ST6GALNAC3: variants seen among roughly 807,000 people sequenced by gnomAD.
ST6GALNAC3 encodes ST6 N-acetylgalactosaminide alpha-2,6-sialyltransferase 3, also known as alpha-N-acetylgalactosaminide alpha-2,6-sialyltransferase 3.
ST6GALNAC3 carries 25 observed loss-of-function variants against 32.7 expected under a neutral mutation model. That is an observed-to-expected ratio of 0.76 (90% CI 0.56 to 1.07). ST6GALNAC3 has a LOEUF of 1.07. Among genes scored for constraint, ST6GALNAC3 ranks in the 50% least tolerant of loss-of-function variants. ST6GALNAC3 has a pLI of 0.00. For missense variants in ST6GALNAC3, 355 were observed against 382.4 expected (o/e 0.93, Z 0.60); for synonymous variants, 129 against 133.1 (o/e 0.97, Z 0.21).
At chr1:76,319,881 C>T (rs556152036) in intron 2 of ST6GALNAC3, among the ~76,000 whole-genome samples, 1 of 152,306 alleles carries the variant, frequency 6.6e-6, no homozygotes, top group African/African-American at 2.4e-5. Flanking sequence ...GTACCATGCT[C>T]TTACTCCCAA....
chr1:76,102,912 G>GT (rs1339739283), intron 1 of ST6GALNAC3, among the ~76,000 whole-genome samples: 2 of 151,734 alleles, frequency 1.3e-5, no homozygotes, highest in South Asian at 2.1e-4. Context: ...AAATTCTTTT[G>GT]TTTTTTGTTT....
intron 1 of ST6GALNAC3, among the ~76,000 whole-genome samples, chr1:76,171,119 G>C (rs1173013010): frequency 1.3e-5 from 2 of 150,714 alleles, no homozygotes; most frequent in African/African-American, 2.4e-5. Flanking sequence ...GTGTGTGTGT[G>C]TGCTGAAGAT....
chr1:76,115,319 C>A (rs1410443167), intron 1 of ST6GALNAC3, among the ~76,000 whole-genome samples: 1 of 151,374 alleles, frequency 6.6e-6, no homozygotes, highest in African/African-American at 2.4e-5. Flanking sequence ...AGCTCCTCCT[C>A]CCCCTCAACA....
At chr1:76,409,417 T>C (rs1468984996) in intron 2 of ST6GALNAC3, among the ~76,000 whole-genome samples, 1 of 152,138 alleles carries the variant, frequency 6.6e-6, no homozygotes, top group Non-Finnish European at 1.5e-5. Context: ...GTCTGGCACA[T>C]TTTATAGGAG....
At chr1:76,296,807 T>C (rs1259000191) in intron 1 of ST6GALNAC3, among the ~76,000 whole-genome samples, 3 of 152,054 alleles carry the variant, frequency 2.0e-5, no homozygotes, top group Non-Finnish European at 2.9e-5. Flanking sequence ...TTCTAGTTTT[T>C]CCCCTTTATA....
chr1:76,410,173 G>A (rs1330729499), intron 2 of ST6GALNAC3, among the ~76,000 whole-genome samples: 1 of 152,082 alleles, frequency 6.6e-6, no homozygotes, highest in African/African-American at 2.4e-5. Context: ...CAAACTGAAA[G>A]ACCCCAAGTG....
chr1:76,282,844 C>T (rs1025236888), intron 1 of ST6GALNAC3, among the ~76,000 whole-genome samples: 2 of 144,804 alleles, frequency 1.4e-5, no homozygotes, highest in African/African-American at 5.1e-5. Flanking sequence ...GCCTGGCCAA[C>T]ATGGTGACAT....
At chr1:76,480,031 T>C (rs1193035448) in intron 3 of ST6GALNAC3, among the ~76,000 whole-genome samples, 3 of 152,164 alleles carry the variant, frequency 2.0e-5, no homozygotes, top group African/African-American at 7.2e-5. Flanking sequence ...GGCAACAGAA[T>C]TGACAGCTCC....
intron 1 of ST6GALNAC3, among the ~76,000 whole-genome samples, chr1:76,235,365 C>T (rs1351361033): frequency 2.6e-5 from 4 of 151,888 alleles, no homozygotes; most frequent in Admixed American, 6.6e-5. Flanking sequence ...CTATTAGCCA[C>T]GCGTGGTGGT....
chr1:76,628,581 C>T, intron 4 of ST6GALNAC3, 39 bp from the exon 5 acceptor site: 2 of 1,529,380 alleles, frequency 1.3e-6, no homozygotes, highest in Non-Finnish European at 1.7e-6. Flanking sequence ...CATTCTTCAT[C>T]TCAATCTTTC....
At chr1:76,339,000 C>T (rs1647736450) in intron 2 of ST6GALNAC3, among the ~76,000 whole-genome samples, 2 of 152,202 alleles carry the variant, frequency 1.3e-5, no homozygotes, top group Admixed American at 1.3e-4. Flanking sequence ...CAATTGGTCG[C>T]CATCCTATTG....
At chr1:76,338,813 G>A (rs1221756093) in intron 2 of ST6GALNAC3, among the ~76,000 whole-genome samples, 1 of 152,016 alleles carries the variant, frequency 6.6e-6, no homozygotes, top group Non-Finnish European at 1.5e-5. Context: ...GAAATGGGGT[G>A]AAGTCCATAT....
At chr1:76,457,973 G>T (rs988443568) in intron 3 of ST6GALNAC3, among the ~76,000 whole-genome samples, 8 of 147,918 alleles carry the variant, frequency 5.4e-5, no homozygotes, top group African/African-American at 2.0e-4. Flanking sequence ...GAAAATTTTC[G>T]CAACCTACTC....
chr1:76,142,666 A>T (rs2152388), intron 1 of ST6GALNAC3, among the ~76,000 whole-genome samples: 35,160 of 152,122 alleles, frequency 0.23, 4,526 homozygotes, highest in African/African-American at 0.34. Flanking sequence ...GAAAAGACCT[A>T]AATCACCATA....
At chr1:76,156,304 ATACTG>A (rs66957471) in intron 1 of ST6GALNAC3, among the ~76,000 whole-genome samples, 19,522 of 151,964 alleles carry the variant, frequency 0.13, 1,593 homozygotes, top group Non-Finnish European at 0.18. Context: ...TCCTTTTTTT[ATACTG>A]TACTATCACA....
intron 1 of ST6GALNAC3, among the ~76,000 whole-genome samples, chr1:76,094,955 C>T (rs953103768): frequency 6.6e-6 from 1 of 150,578 alleles, no homozygotes; most frequent in African/African-American, 2.4e-5. Flanking sequence ...AGCCTTCTTT[C>T]TTCTTCCTCT....
rs142382682 is a variant in ST6GALNAC3 at position 76,075,202 on chromosome 1, C to G, written c.18+318C>G. 2.6e-5 allele frequency among the ~76,000 whole-genome samples: 4 copies of G among 152,236 alleles called. 1 individual carries two copies. Among genetic ancestry groups the G allele is most frequent in the African/African-American group, 9.6e-5 (4 of 41,550 alleles). The stretch of plus-strand genomic sequence containing the variant: ...AGAGGAGGGGTGTTCCCGCGGGTCC[C>G]GCGGCTCTGTGGAGCCTGAGGCCTT... On this transcript the variant is annotated intron_variant, in intron 1 of 4. Coordinates refer to ENST00000328299, the MANE Select transcript of ST6GALNAC3 (RefSeq NM_152996.4).
intron 1 of ST6GALNAC3, among the ~76,000 whole-genome samples, chr1:76,153,246 A>G (rs1367118494): frequency 6.6e-6 from 1 of 152,086 alleles, no homozygotes; most frequent in Non-Finnish European, 1.5e-5. Context: ...CCCTATAGCT[A>G]TTGCCTATTT....
intron 1 of ST6GALNAC3, among the ~76,000 whole-genome samples, chr1:76,129,620 CA>C (rs1649481847): frequency 6.6e-6 from 1 of 152,100 alleles, no homozygotes; most frequent in African/African-American, 2.4e-5. Context: ...GTGGGAGGTG[CA>C]GCATATGCCA....
Sources: allele counts gnomAD v4.1 joint callset (sites outside exome capture counted in the v4.1 genomes callset), GRCh38; gene constraint gnomAD v4.1.1; transcripts MANE v1.5; gene names NCBI Gene and HGNC (gene_info 2026-07-23, HGNC 2026-07-21).